The following ADGRL2 variants were observed in gnomAD, a reference collection of about 807,000 sequenced individuals.
ADGRL2 encodes the protein adhesion G protein-coupled receptor L2.
ADGRL2 carries 44 observed loss-of-function variants against 157.4 expected under a neutral mutation model. The ratio of observed to expected loss-of-function variants is 0.28; its 90% confidence interval spans 0.22 to 0.36. The LOEUF (loss-of-function observed/expected upper bound fraction) is 0.36, where lower values mean the gene tolerates loss of function less well. Ranked by LOEUF, ADGRL2 falls within the 10% of genes least tolerant of loss-of-function variation. ADGRL2 has a pLI of 1.00. For synonymous variants in ADGRL2, 585 were observed against 624.7 expected (o/e 0.94, Z 0.95); for missense variants, 1,510 against 1,768.9 (o/e 0.85, Z 2.63).
intron 1 of ADGRL2, among the ~76,000 whole-genome samples, chr1:81,323,110 G>C (rs1660644206): frequency 6.6e-6 from 1 of 152,004 alleles, no homozygotes; most frequent in African/African-American, 2.4e-5. Flanking sequence ...TACCCAACTT[G>C]GCCTCCCAAA....
intron 3 of ADGRL2, among the ~76,000 whole-genome samples, chr1:81,619,731 ATGTGTG>A (rs34153343): frequency 0.15 from 23,083 of 149,464 alleles, 1,929 homozygotes; most frequent in Non-Finnish European, 0.18. Flanking sequence ...GGGTGTGTGT[ATGTGTG>A]TGTGTGTGTG....
rs1474737366 is a variant in ADGRL2 at position 81,390,323 on chromosome 1, G to A, written c.-301-54713G>A. Among the ~76,000 whole-genome samples, 5 of 152,290 alleles carry A rather than the reference G, an allele frequency of 3.3e-5. No individual in the cohort carries two copies. In the South Asian group the frequency reaches 1.0e-3, roughly 32 times the overall value. ...GTTATGAAAACTGTGTAAGACTGAT[G>A]TTCATTCTACTGACTGAAGAAACTT... is the stretch of plus-strand genomic sequence containing the variant. On this transcript the variant is annotated intron_variant, in intron 1 of 24. Coordinates refer to the ADGRL2 transcript ENST00000370721.
intron 3 of ADGRL2, among the ~76,000 whole-genome samples, chr1:81,921,891 A>G (rs1047095591): frequency 8.1e-6 from 1 of 123,932 alleles, no homozygotes; most frequent in Admixed American, 8.6e-5. Context: ...GTTCTGAGAT[A>G]TAGAAGCAAA....
At chr1:81,805,159 T>C (rs918147084) in intron 1 of ADGRL2, among the ~76,000 whole-genome samples, 1 of 152,154 alleles carries the variant, frequency 6.6e-6, no homozygotes, top group Non-Finnish European at 1.5e-5. Context: ...TGTTCTTGCT[T>C]TTTTATGTTT....
intron 1 of ADGRL2, among the ~76,000 whole-genome samples, chr1:81,724,944 G>T (rs183989120): frequency 6.6e-6 from 1 of 150,684 alleles, no homozygotes; most frequent in African/African-American, 2.4e-5. Flanking sequence ...GGTGGCTCAC[G>T]CCTGTAATCC....
intron 3 of ADGRL2, among the ~76,000 whole-genome samples, chr1:81,598,552 C>T (rs1463879278): frequency 3.3e-5 from 5 of 152,166 alleles, no homozygotes; most frequent in Admixed American, 6.5e-5. Flanking sequence ...TGCCAGTATA[C>T]ATTGCCAAGG....
intron 2 of ADGRL2, among the ~76,000 whole-genome samples, chr1:81,575,762 T>C (rs1026887317): frequency 6.6e-6 from 1 of 152,168 alleles, no homozygotes; most frequent in Non-Finnish European, 1.5e-5. Flanking sequence ...GTTCTGTTCT[T>C]GTGTTTATGG....
chr1:81,557,527 G>GAA (rs1557459393), intron 2 of ADGRL2: 9 of 102,262 alleles, frequency 8.8e-5, no homozygotes, highest in African/African-American at 2.0e-4. Flanking sequence ...GAAAGAAAGA[G>GAA]AAGAAAGAAA....
intron 3 of ADGRL2, among the ~76,000 whole-genome samples, chr1:81,669,381 T>C (rs2082819111): frequency 6.6e-6 from 1 of 152,128 alleles, no homozygotes; most frequent in African/African-American, 2.4e-5. Flanking sequence ...CACAGCACAC[T>C]GCACTCCAGC....
In ADGRL2 at chr1:81,688,306, T is replaced by C. The variant is rs141234258; in HGVS notation, c.-142-73505T>C. On this transcript the variant is annotated intron_variant, in intron 3 of 24. Transcript: ENST00000370721. ...TTCTCTTCTTCCTCAGGAAAACCAATTATTCTTAGGTTTGGTCATTTAACA... is the reference window on the plus strand; with the variant it reads ...TTCTCTTCTTCCTCAGGAAAACCAACTATTCTTAGGTTTGGTCATTTAACA... 3.8e-3 allele frequency among the ~76,000 whole-genome samples: 580 copies of C among 152,260 alleles called. 3 individuals are homozygous for C. The highest frequency in any genetic ancestry group is 0.014 in the African/African-American group (562 of 41,566).
intron 2 of ADGRL2, among the ~76,000 whole-genome samples, chr1:81,886,489 C>G (rs2094131919): frequency 6.6e-6 from 1 of 152,052 alleles, no homozygotes; most frequent in Non-Finnish European, 1.5e-5. Context: ...TTTATATTGC[C>G]CAAATTATAG....
chr1:81,799,975 C>A (rs2087810032), upstream of ADGRL2, among the ~76,000 whole-genome samples: 1 of 152,150 alleles, frequency 6.6e-6, no homozygotes, highest in Admixed American at 6.5e-5. Context: ...TTCGCCCTGT[C>A]CTGCTCTGTT....
chr1:81,491,250 T>G (rs2078626667), intron 2 of ADGRL2, among the ~76,000 whole-genome samples: 1 of 152,178 alleles, frequency 6.6e-6, no homozygotes, highest in Non-Finnish European at 1.5e-5. Flanking sequence ...TAAAACAAGC[T>G]AAATTATGTG....
rs116684850 is a variant in ADGRL2, at chr1:81,434,411, G to A, written c.-301-10625G>A. 5.9e-3 allele frequency among the ~76,000 whole-genome samples: 894 copies of A among 150,672 alleles called. 8 individuals carry two copies. Among genetic ancestry groups the A allele is most frequent in the African/African-American group, 0.02 (815 of 41,212 alleles). On this transcript the variant is annotated intron_variant, in intron 1 of 24. Transcript: ENST00000370721. Reference sequence around the variant, plus strand: ...TGCTTGTTTTTTATATTTGTCTCTCGGTATGTGTTTATTGTCTCTCTCTCC... The same window carrying A: ...TGCTTGTTTTTTATATTTGTCTCTCAGTATGTGTTTATTGTCTCTCTCTCC...
At chr1:81,888,372 A>G (rs1238362672) in intron 2 of ADGRL2, among the ~76,000 whole-genome samples, 1 of 152,208 alleles carries the variant, frequency 6.6e-6, no homozygotes, top group South Asian at 2.1e-4. Context: ...TGAAAGACTT[A>G]AATGAGTCCG....
chr1:81,660,363 C>T (rs2082625816), intron 3 of ADGRL2, among the ~76,000 whole-genome samples: 1 of 151,994 alleles, frequency 6.6e-6, no homozygotes, highest in Non-Finnish European at 1.5e-5. Context: ...CCCTTTGTGA[C>T]CCAAGACAAC....
intron 1 of ADGRL2, among the ~76,000 whole-genome samples, chr1:81,444,728 C>T (rs2077570406): frequency 6.6e-6 from 1 of 152,112 alleles, no homozygotes; most frequent in Admixed American, 6.5e-5. Context: ...AACCCATCTC[C>T]CCAGGTGGGT....
intron 1 of ADGRL2, among the ~76,000 whole-genome samples, chr1:81,418,447 A>T (rs1327167826): frequency 6.6e-6 from 1 of 152,204 alleles, no homozygotes; most frequent in Non-Finnish European, 1.5e-5. Flanking sequence ...CAGACCTAAA[A>T]AATGAATTTA....
intron 2 of ADGRL2, among the ~76,000 whole-genome samples, chr1:81,470,268 A>G (rs2078144213): frequency 6.6e-6 from 1 of 152,204 alleles, no homozygotes; most frequent in South Asian, 2.1e-4. Context: ...ACAATTATAA[A>G]AAGAGTGGCT....
Sources: allele counts gnomAD v4.1 joint callset (sites outside exome capture counted in the v4.1 genomes callset), GRCh38; gene constraint gnomAD v4.1.1; transcripts MANE v1.5; gene names NCBI Gene and HGNC (gene_info 2026-07-23, HGNC 2026-07-21).